The following ANAPC10 variants were observed in gnomAD, a reference collection of about 807,000 sequenced individuals.
The protein encoded by ANAPC10 is anaphase promoting complex subunit 10.
Under a neutral mutation model 22.0 loss-of-function variants are expected in ANAPC10, and 12 were observed. That is an observed-to-expected ratio of 0.55 (90% CI 0.35 to 0.88). ANAPC10 has a LOEUF of 0.88. Ranked by LOEUF, ANAPC10 falls within the 40% of genes least tolerant of loss-of-function variation. The pLI, the probability that ANAPC10 is intolerant of heterozygous loss-of-function variation, is 0.01. For missense variants in ANAPC10, 188 were observed against 220.9 expected, an observed-to-expected ratio of 0.85 and a Z score of 0.94; for synonymous variants, 65 against 69.5, an observed-to-expected ratio of 0.94 and a Z score of 0.32.
At chr4:145,014,342 G>A (rs1185846973) in intron 4 of ANAPC10, among the ~76,000 whole-genome samples, 3 of 151,900 alleles carry the variant, frequency 2.0e-5, no homozygotes, top group East Asian at 1.9e-4. Context: ...GACAACCTGC[G>A]TGACTCAGCA....
At chr4:145,018,090 A>T (rs556252799) in intron 4 of ANAPC10, among the ~76,000 whole-genome samples, 2 of 151,126 alleles carry the variant, frequency 1.3e-5, no homozygotes, top group Non-Finnish European at 3.0e-5. Flanking sequence ...CACGTTGTGC[A>T]CATGTACCCT....
In ANAPC10 at chr4:145,049,343, T is replaced by C. The variant is rs138976122; in HGVS notation, c.327+15229A>G. On this transcript the variant is annotated intron_variant, in intron 4 of 4. Transcript: ENST00000507656. ...TTCATGAAAAATATTCTCTGTAGCA[T>C]GCAATGCCACTTAATAGCATTTTGC... Among the ~76,000 whole-genome samples, 8 of 152,340 alleles carry C rather than the reference T, an allele frequency of 5.3e-5. 1 individual carries two copies. The East Asian group carries it at 1.5e-3, about 29-fold the overall frequency.
chr4:145,070,727 G>A (rs527940674), intron 3 of ANAPC10, among the ~76,000 whole-genome samples: 8 of 152,282 alleles, frequency 5.3e-5, no homozygotes, highest in African/African-American at 1.4e-4. Context: ...TACAACAGCC[G>A]AAAGGTAGAA....
intron 4 of ANAPC10, among the ~76,000 whole-genome samples, chr4:145,007,407 A>T (rs1733560376): frequency 6.6e-6 from 1 of 152,142 alleles, no homozygotes. Flanking sequence ...TCCCTCAGCA[A>T]ATGTAAAAGA....
intron 3 of ANAPC10, among the ~76,000 whole-genome samples, chr4:145,074,150 ATATAT>A (rs1365793756): frequency 5.3e-5 from 8 of 151,312 alleles, no homozygotes; most frequent in Non-Finnish European, 5.9e-5. Flanking sequence ...TATATAAAAC[ATATAT>A]TATATAAAAT....
At chr4:145,088,486 T>C (rs1346201128) in intron 2 of ANAPC10, among the ~76,000 whole-genome samples, 6 of 152,226 alleles carry the variant, frequency 3.9e-5, no homozygotes, top group Non-Finnish European at 5.9e-5. Context: ...CCTCCTTCTT[T>C]CTCAACTCAG....
At chr4:145,076,752 T>C (rs1745258440) in intron 3 of ANAPC10, among the ~76,000 whole-genome samples, 1 of 152,180 alleles carries the variant, frequency 6.6e-6, no homozygotes, top group Non-Finnish European at 1.5e-5. Context: ...ATAGCTATTT[T>C]AAGAAAGAAC....
intron 2 of ANAPC10, among the ~76,000 whole-genome samples, chr4:145,085,907 AGGCTGCAGTGCAGT>A (rs1251193640): frequency 6.7e-6 from 1 of 149,240 alleles, no homozygotes; most frequent in Admixed American, 6.7e-5. Flanking sequence ...TTTGCCGCCC[AGGCTGCAGTGCAGT>A]GGCGCGATTT....
intron 1 of ANAPC10, chr4:145,097,689 T>C (rs996050224): frequency 2.3e-6 from 1 of 438,676 alleles, no homozygotes; most frequent in Non-Finnish European, 4.3e-6. Context: ...GTCACTTGCC[T>C]GCAAGTTAGG....
intron 2 of ANAPC10, 84 bp downstream of exon 2, chr4:145,095,901 T>C: frequency 6.3e-7 from 1 of 1,581,262 alleles, no homozygotes; most frequent in Non-Finnish European, 8.7e-7. Flanking sequence ...TCCTGGAATG[T>C]ATCCCCTGGG....
At chr4:145,001,847 T>G (rs548791160) in intron 4 of ANAPC10, among the ~76,000 whole-genome samples, 1 of 152,272 alleles carries the variant, frequency 6.6e-6, no homozygotes, top group Admixed American at 6.5e-5. Flanking sequence ...TGTGACTTAC[T>G]TAAGAGCAGA....
chr4:145,064,226 G>A (rs1239876010), intron 4 of ANAPC10: 2 of 159,986 alleles, frequency 1.3e-5, no homozygotes, highest in African/African-American at 4.8e-5. Context: ...ATATGCACAA[G>A]TTATTTTTAA....
At position 145,079,413 on chromosome 4, in the gene ANAPC10, C is replaced by T. The variant is rs1166613974; in HGVS notation, c.206+2247G>A. 2.0e-5 allele frequency among the ~76,000 whole-genome samples: 3 copies of T among 152,134 alleles called. No individual in the cohort carries two copies. The South Asian group carries it at 6.2e-4, about 32-fold the overall frequency. Reference sequence around the variant, plus strand: ...GTGAAGTTGTGAAAAAAAGGGAATACTTATACACTGCTGGTGGTAATGTAA... The same window carrying T: ...GTGAAGTTGTGAAAAAAAGGGAATATTTATACACTGCTGGTGGTAATGTAA... On this transcript the variant is annotated intron_variant, in intron 3 of 4. Transcript: ENST00000507656.
In ANAPC10 at chr4:144,995,360, T is replaced by G. The variant is rs1271317541; in HGVS notation, c.*13A>C. On this transcript the variant is annotated 3_prime_UTR_variant, in exon 5 of 5. Transcript: ENST00000507656. ...ACAAAGATACGTTTAATGATTTTCG[T>G]CTCATTTTAAAGTCACCTTATTGAA... is the stretch of plus-strand genomic sequence containing the variant. The G allele has an allele frequency of 6.5e-7, 1 of 1,536,264 alleles. No individual in the cohort carries two copies. Among genetic ancestry groups the G allele is most frequent in the East Asian group, 2.3e-5 (1 of 44,426 alleles).
At chr4:145,030,880 C>T (rs1020093301) in intron 4 of ANAPC10, among the ~76,000 whole-genome samples, 4 of 152,164 alleles carry the variant, frequency 2.6e-5, no homozygotes, top group South Asian at 4.2e-4. Flanking sequence ...ACCACATCCC[C>T]GTTCAACTCT....
chr4:145,071,297 T>C (rs1044426883), intron 3 of ANAPC10, among the ~76,000 whole-genome samples: 1 of 152,230 alleles, frequency 6.6e-6, no homozygotes, highest in African/African-American at 2.4e-5. Flanking sequence ...TCCCAGCTAC[T>C]TGGGAGGCTG....
intron 4 of ANAPC10, among the ~76,000 whole-genome samples, chr4:145,004,367 T>G (rs1733027311): frequency 6.6e-6 from 1 of 152,182 alleles, no homozygotes; most frequent in African/African-American, 2.4e-5. Flanking sequence ...GGCTAGAACT[T>G]CCAGGACTAT....
intron 1 of ANAPC10, chr4:145,097,295 G>T (rs576913328): frequency 1.4e-5 from 5 of 370,064 alleles, no homozygotes; most frequent in Non-Finnish European, 2.1e-5. Context: ...TCAAGATTTT[G>T]AAGTGAATAA....
At chr4:145,077,394 G>T (rs1267879202) in intron 3 of ANAPC10, among the ~76,000 whole-genome samples, 1 of 152,002 alleles carries the variant, frequency 6.6e-6, no homozygotes, top group Non-Finnish European at 1.5e-5. Flanking sequence ...CCCCGATCTC[G>T]CTAAGGAGGT....
Sources: gnomAD v4.1 joint callset for allele counts (sites outside exome capture counted in the v4.1 genomes callset) on GRCh38, gnomAD v4.1.1 for gene constraint, MANE v1.5 for transcripts, NCBI Gene and HGNC (gene_info 2026-07-23, HGNC 2026-07-21) for gene names.